AGAP1: variants seen among roughly 807,000 people sequenced by gnomAD.
The protein encoded by AGAP1 is ArfGAP with GTPase domain, ankyrin repeat and PH domain 1.
Under a neutral mutation model 105.3 loss-of-function variants are expected in AGAP1, and 29 were observed. That is an observed-to-expected ratio of 0.28 (90% CI 0.21 to 0.38). AGAP1 has a LOEUF of 0.38. Ranked by LOEUF, AGAP1 falls within the 10% of genes least tolerant of loss-of-function variation. The pLI is 1.00. For synonymous variants in AGAP1, 509 were observed against 485.9 expected (o/e 1.05, Z -0.63); for missense variants, 998 against 1,165.1 (o/e 0.86, Z 2.09).
Position 235,621,908 on chromosome 2 carries a change from C to CT in AGAP1, c.164-87271_164-87270insT, listed in dbSNP as rs1946494703. Among the ~76,000 whole-genome samples the CT allele has an allele frequency of 6.6e-6, 1 of 151,948 alleles. No individual in the cohort carries two copies. Among genetic ancestry groups the CT allele is most frequent in the Admixed American group, 6.6e-5 (1 of 15,244 alleles). On this transcript the variant is annotated intron_variant, in intron 1 of 17. Coordinates refer to ENST00000304032, the MANE Select transcript of AGAP1 (RefSeq NM_001037131.3). This position sits in a 1 kb window ranked among gnomAD's most constrained non-coding sequence, Gnocchi z 4.1. Reference sequence around the variant, plus strand: ...GAAGGGAGTGCCGCGCAGACCCCCCCACCCCCTCAGAACAGCGGCCACTGT... The same window carrying CT: ...GAAGGGAGTGCCGCGCAGACCCCCCCTACCCCCTCAGAACAGCGGCCACTGT...
At chr2:235,617,901 A>T (rs1946359289) in intron 1 of AGAP1, among the ~76,000 whole-genome samples, 2 of 152,172 alleles carry the variant, frequency 1.3e-5, no homozygotes, top group Admixed American at 1.3e-4. Context: ...TTTGAATTTA[A>T]ATACATACTA....
chr2:235,882,374 A>T lies in AGAP1; in HGVS notation c.1051-971A>T, dbSNP rs1427931033. ...ATCCTCCGGGCTCTTAGGAAATTTC[A>T]CTCCGCTTCTGCCCAGTGGTCTCTT... On this transcript the variant is annotated intron_variant, in intron 9 of 17. Coordinates refer to ENST00000304032, the MANE Select transcript of AGAP1 (RefSeq NM_001037131.3). This position sits in a 1 kb window ranked among gnomAD's most constrained non-coding sequence, Gnocchi z 4.6. The T allele has an allele frequency of 7.4e-6, 11 of 1,486,212 alleles. No individual in the cohort carries two copies. Among genetic ancestry groups the T allele is most frequent in the Non-Finnish European group, 1.0e-5 (11 of 1,077,902 alleles). The allele number at this position is 1,486,212 out of a possible 1,614,324, so 92.1% of individuals were successfully genotyped here.
Position 235,610,179 on chromosome 2 carries a change from A to C in AGAP1, c.164-99000A>C, listed in dbSNP as rs774844732. The stretch of plus-strand genomic sequence containing the variant: ...TGGCTTCTGATCTGTGTTGACTGCT[A>C]CCCGATAGAGCCACAGTCATCCTGT... On this transcript the variant is annotated intron_variant, in intron 1 of 17. Coordinates refer to ENST00000304032, the MANE Select transcript of AGAP1 (RefSeq NM_001037131.3). The surrounding 1 kb of genome is among the most constrained non-coding windows in gnomAD (Gnocchi z 4.9). Among the ~76,000 whole-genome samples, 1 of 152,206 alleles carries C rather than the reference A, an allele frequency of 6.6e-6. No homozygotes were observed. Among genetic ancestry groups the C allele is most frequent in the Admixed American group, 6.5e-5 (1 of 15,298 alleles).
At chr2:235,548,151 C>G (rs1943688340) in intron 1 of AGAP1, among the ~76,000 whole-genome samples, 1 of 152,198 alleles carries the variant, frequency 6.6e-6, no homozygotes, top group Non-Finnish European at 1.5e-5. Context: ...TGTCCTAGGG[C>G]AGAGAGCTAA....
intron 11 of AGAP1, among the ~76,000 whole-genome samples, chr2:235,922,917 A>G (rs2125111810): frequency 6.6e-6 from 1 of 152,356 alleles, no homozygotes; most frequent in Non-Finnish European, 1.5e-5. Flanking sequence ...TACAGCTAAA[A>G]TTATTCTTTG....
At chr2:235,653,504 C>T (rs201300969) in intron 1 of AGAP1, among the ~76,000 whole-genome samples, 1,318 of 20,038 alleles carry the variant, frequency 0.066, 21 homozygotes, top group African/African-American at 0.16. Context: ...TAAAATATAA[C>T]ATAACATAAC....
intron 12 of AGAP1, among the ~76,000 whole-genome samples, chr2:235,952,552 AATTAGGATTGG>A (rs2053781389): frequency 6.6e-6 from 1 of 152,134 alleles, no homozygotes; most frequent in Non-Finnish European, 1.5e-5. Flanking sequence ...ATCAGTATAG[AATTAGGATTGG>A]ATTAGTGTGA....
rs1437880013 is a variant in AGAP1 at position 236,044,193 on chromosome 2, G to GT, written c.1891+3353dup. Among the ~76,000 whole-genome samples, 1 of 152,180 alleles carries GT rather than the reference G, an allele frequency of 6.6e-6. No individual in the cohort carries two copies. Among genetic ancestry groups the GT allele is most frequent in the Non-Finnish European group, 1.5e-5 (1 of 68,048 alleles). On this transcript the variant is annotated intron_variant, in intron 15 of 17. Coordinates refer to ENST00000304032, the MANE Select transcript of AGAP1 (RefSeq NM_001037131.3). This position sits in a 1 kb window ranked among gnomAD's most constrained non-coding sequence, Gnocchi z 5.7. ...CTTCGGACACCTGTGCTTCCGGGGA[G>GT]TACTGCTCTGAAGCTACCTGTTCAG...
intron 13 of AGAP1, among the ~76,000 whole-genome samples, chr2:236,019,572 C>A (rs956361774): frequency 1.3e-5 from 2 of 152,206 alleles, no homozygotes; most frequent in African/African-American, 4.8e-5. Context: ...GAAGGGCAGG[C>A]ATCAGCCCCA....
intron 13 of AGAP1, among the ~76,000 whole-genome samples, chr2:235,996,487 C>A (rs1354443604): frequency 6.6e-6 from 1 of 152,230 alleles, no homozygotes. Context: ...TGAAAATATT[C>A]TTGCCTTTTA....
At position 235,908,066 on chromosome 2, in the gene AGAP1, C is replaced by G. The variant is rs1036904255; in HGVS notation, c.1156-672C>G. On this transcript the variant is annotated intron_variant, in intron 10 of 17. Coordinates refer to ENST00000304032, the MANE Select transcript of AGAP1 (RefSeq NM_001037131.3). This position sits in a 1 kb window ranked among gnomAD's most constrained non-coding sequence, Gnocchi z 4.4. ...GGCTCTCAGTTGCTTGTTCACCTTC[C>G]CCGTTCCCTGCCCATCAGCCAGTTT... Among the ~76,000 whole-genome samples the G allele has an allele frequency of 1.3e-5, 2 of 152,180 alleles. No individual in the cohort carries two copies. The highest frequency in any genetic ancestry group is 4.8e-5 in the African/African-American group (2 of 41,434).
chr2:235,546,206 T>C (rs1481122543), intron 1 of AGAP1, among the ~76,000 whole-genome samples: 1 of 152,246 alleles, frequency 6.6e-6, no homozygotes, highest in African/African-American at 2.4e-5. Flanking sequence ...TTTGTGTGAC[T>C]GTTGTTCATC....
At chr2:236,100,367 T>G (rs564813227) in intron 16 of AGAP1, among the ~76,000 whole-genome samples, 1 of 152,220 alleles carries the variant, frequency 6.6e-6, no homozygotes, top group Non-Finnish European at 1.5e-5. Context: ...AGAATTTCAC[T>G]TAGCTTGTTA....
chr2:235,573,043 TTCTTCTTC>T (rs1165606181), intron 1 of AGAP1, among the ~76,000 whole-genome samples: 2 of 16,170 alleles, frequency 1.2e-4, no homozygotes, highest in East Asian at 3.5e-3. Context: ...CTTCTTCTTC[TTCTTCTTC>T]TTCTTCTTCT....
At position 235,936,124 on chromosome 2, in the gene AGAP1, T is replaced by C. The variant is rs1402524553; in HGVS notation, c.1483+5201T>C. 6.6e-6 allele frequency among the ~76,000 whole-genome samples: 1 copy of C among 152,206 alleles called. No homozygotes were observed. Among genetic ancestry groups the C allele is most frequent in the Non-Finnish European group, 1.5e-5 (1 of 68,040 alleles). The stretch of plus-strand genomic sequence containing the variant: ...ATCCCCGATTGCTTCAGTCCAACAG[T>C]TTATCTTCTGCCACGCTGACTGGCC... On this transcript the variant is annotated intron_variant, in intron 12 of 17. Coordinates refer to ENST00000304032, the MANE Select transcript of AGAP1 (RefSeq NM_001037131.3). The surrounding 1 kb of genome is among the most constrained non-coding windows in gnomAD (Gnocchi z 4.7).
In AGAP1 at chr2:235,971,825, C is replaced by T. The variant is rs1208347887; in HGVS notation, c.1645+3202C>T. ...ACAGGTCCTCGCTCTGTCACCCAGG[C>T]TGGGGTGTAGTGGTGCAGTCACGGC... On this transcript the variant is annotated intron_variant, in intron 13 of 17. Transcript: ENST00000304032. This position sits in a 1 kb window ranked among gnomAD's most constrained non-coding sequence, Gnocchi z 4.8. 6.6e-6 allele frequency among the ~76,000 whole-genome samples: 1 copy of T among 150,714 alleles called. No individual in the cohort carries two copies. The highest frequency in any genetic ancestry group is 2.0e-4 in the East Asian group (1 of 5,074).
At chr2:235,706,192 A>G (rs1950524069) in intron 1 of AGAP1, among the ~76,000 whole-genome samples, 1 of 152,062 alleles carries the variant, frequency 6.6e-6, no homozygotes, top group East Asian at 1.9e-4. Flanking sequence ...TGACAAGCAT[A>G]TGCATATTTA....
At chr2:236,026,844 G>A (rs999096342) in intron 13 of AGAP1, among the ~76,000 whole-genome samples, 2 of 152,238 alleles carry the variant, frequency 1.3e-5, no homozygotes, top group African/African-American at 2.4e-5. Context: ...AATAGGAGAA[G>A]ATAACGGAAA....
chr2:235,917,009 C>G (rs2051917283), intron 11 of AGAP1, among the ~76,000 whole-genome samples: 1 of 152,194 alleles, frequency 6.6e-6, no homozygotes, highest in Admixed American at 6.5e-5. Flanking sequence ...TATTCTGTAA[C>G]TCCTGGTTGT....
Sources: allele counts gnomAD v4.1 joint callset (sites outside exome capture counted in the v4.1 genomes callset), GRCh38; gene constraint gnomAD v4.1.1; non-coding constraint Gnocchi (gnomAD v3.1); transcripts MANE v1.5; gene names NCBI Gene and HGNC (gene_info 2026-07-23, HGNC 2026-07-21).